The following ASH1L variants were observed in gnomAD, a reference collection of about 807,000 sequenced individuals.
ASH1L encodes ASH1 like histone lysine methyltransferase.
A neutral mutation model predicts 269.0 loss-of-function variants in ASH1L; 23 were observed. The observed-to-expected ratio is 0.09, with a 90% CI of 0.06 to 0.12. ASH1L has a LOEUF of 0.12. Among genes scored for constraint, ASH1L ranks in the 10% least tolerant of loss-of-function variants. ASH1L has a pLI of 1.00. For missense variants in ASH1L, 2,912 were observed against 3,567.8 expected, an observed-to-expected ratio of 0.82 and a Z score of 4.68; for synonymous variants, 1,187 against 1,253.5, an observed-to-expected ratio of 0.95 and a Z score of 1.12.
chr1:155,478,255 A>T lies in ASH1L; in HGVS notation c.4615T>A (p.Ser1539Thr). ...TTTGAAGGAGAGAGATGAGGGCAGGACATGTGACAACGGTGCTTTTCCTTA... is the reference window on the plus strand; with the variant it reads ...TTTGAAGGAGAGAGATGAGGGCAGGTCATGTGACAACGGTGCTTTTCCTTA... ...KHKEKHRCHM[S>T]CPHLSPSKSL... Residue 1539 changes from serine to threonine, a missense_variant, in exon 3 of 28, where the codon TCC becomes ACC. By Grantham distance (58) the Ser-to-Thr change is moderately conservative. This residue lies in a region of ASH1L where 789 missense variants were observed against 897.6 expected (regional missense o/e 0.88). Transcript: ENST00000392403. This position sits in a 1 kb window ranked among gnomAD's most constrained non-coding sequence, Gnocchi z 4.6. The T allele has an allele frequency of 6.2e-7, 1 of 1,614,196 alleles. No homozygotes were observed. The highest frequency in any genetic ancestry group is 1.3e-5 in the African/African-American group (1 of 75,044).
At chr1:155,361,581 C>T (rs1654952383) in intron 12 of ASH1L, among the ~76,000 whole-genome samples, 2 of 149,640 alleles carry the variant, frequency 1.3e-5, no homozygotes, top group Non-Finnish European at 3.0e-5. Flanking sequence ...TGCCTATACT[C>T]CCAGCTACTC....
chr1:155,465,379 GC>G (rs1179738659), intron 3 of ASH1L, among the ~76,000 whole-genome samples: 1 of 149,204 alleles, frequency 6.7e-6, no homozygotes, highest in Non-Finnish European at 1.5e-5. Flanking sequence ...CACTATTAAA[GC>G]TTTTATAACT....
At chr1:155,412,798 C>G (rs1218536434) in intron 6 of ASH1L, among the ~76,000 whole-genome samples, 2 of 151,940 alleles carry the variant, frequency 1.3e-5, no homozygotes, top group Non-Finnish European at 2.9e-5. Flanking sequence ...TCCAGGAAAA[C>G]AGTGACAGAA....
intron 5 of ASH1L, among the ~76,000 whole-genome samples, chr1:155,422,607 T>A (rs1319630604): frequency 6.6e-6 from 1 of 151,636 alleles, no homozygotes; most frequent in Non-Finnish European, 1.5e-5. Flanking sequence ...TGCCTCTTGG[T>A]TGGCAGAAGC....
intron 12 of ASH1L, among the ~76,000 whole-genome samples, chr1:155,365,119 C>G (rs1255329514): frequency 1.3e-5 from 2 of 152,042 alleles, no homozygotes; most frequent in Non-Finnish European, 2.9e-5. Context: ...ATCTTTCTGG[C>G]GATCACGAAG....
At chr1:155,394,775 G>T (rs1366021473) in intron 7 of ASH1L, among the ~76,000 whole-genome samples, 1 of 152,128 alleles carries the variant, frequency 6.6e-6, no homozygotes, top group Non-Finnish European at 1.5e-5. Flanking sequence ...CTTTCAAGCA[G>T]ATAAATACTC....
intron 10 of ASH1L, among the ~76,000 whole-genome samples, chr1:155,373,822 C>G (rs2148424852): frequency 6.6e-6 from 1 of 152,192 alleles, no homozygotes; most frequent in African/African-American, 2.4e-5. Flanking sequence ...CACACGCCAC[C>G]ATGCCCAGTT....
rs147251106 is a variant in ASH1L at position 155,513,783 on chromosome 1, C to T, written c.420+7317G>A. 3.2e-3 allele frequency among the ~76,000 whole-genome samples: 491 copies of T among 152,052 alleles called. 2 individuals carry two copies. The highest frequency in any genetic ancestry group is 0.012 in the African/African-American group (478 of 41,472). On this transcript the variant is annotated intron_variant, in intron 2 of 27. Transcript: ENST00000392403. ...GCTGGAAGCAATACCAGTGGCCATC[C>T]ATAGATGGACTAGATTAACTTATCT...
intron 19 of ASH1L, 98 bp downstream of exon 19, chr1:155,349,229 G>A (rs1653659653): frequency 7.2e-7 from 1 of 1,390,616 alleles, no homozygotes; most frequent in African/African-American, 1.4e-5. Context: ...TTTCCAACCA[G>A]AAATATGGCT....
intron 1 of ASH1L, among the ~76,000 whole-genome samples, chr1:155,526,071 G>A (rs1322229532): frequency 2.6e-5 from 4 of 151,824 alleles, no homozygotes; most frequent in Admixed American, 2.0e-4. Flanking sequence ...GAATCCACAG[G>A]TGCGGAATCA....
At chr1:155,469,595 G>A (rs1570908817) in intron 3 of ASH1L, among the ~76,000 whole-genome samples, 1 of 152,050 alleles carries the variant, frequency 6.6e-6, no homozygotes, top group East Asian at 1.9e-4. Context: ...TTATCTTCAG[G>A]TTTTACCTCT....
intron 12 of ASH1L, among the ~76,000 whole-genome samples, chr1:155,368,561 A>G (rs1655647400): frequency 6.6e-6 from 1 of 151,766 alleles, no homozygotes; most frequent in South Asian, 2.1e-4. Flanking sequence ...GGGTTCAAGC[A>G]ATTCTCTGCC....
At chr1:155,491,060 A>C (rs1666747922) in intron 2 of ASH1L, among the ~76,000 whole-genome samples, 1 of 148,566 alleles carries the variant, frequency 6.7e-6, no homozygotes, top group Non-Finnish European at 1.5e-5. Flanking sequence ...TATTATTCTA[A>C]ACGTCTTTTC....
chr1:155,478,891 A>C lies in ASH1L; in HGVS notation c.3979T>G (p.Phe1327Val). The change falls in exon 3 of 28, where the codon TTC becomes GTC. Residue 1327 changes from phenylalanine to valine, a missense_variant. Physicochemically the swap from Phe to Val is conservative, Grantham distance 50. Transcript: ENST00000392403. This position sits in a 1 kb window ranked among gnomAD's most constrained non-coding sequence, Gnocchi z 4.6. ...PTIFRINFNS[F>V]YTHPSFPLDP... Reference sequence around the variant, plus strand: ...AAGGGGAAAGAAGGATGTGTATAGAAACTATTAAAGTTGATTCGAAAGATA... The same window carrying C: ...AAGGGGAAAGAAGGATGTGTATAGACACTATTAAAGTTGATTCGAAAGATA... 1 of 1,614,014 alleles carries C rather than the reference A, an allele frequency of 6.2e-7. No individual in the cohort carries two copies. Among genetic ancestry groups the C allele is most frequent in the Non-Finnish European group, 8.5e-7 (1 of 1,180,004 alleles).
intron 10 of ASH1L, among the ~76,000 whole-genome samples, chr1:155,374,917 C>T (rs1032757727): frequency 3.9e-5 from 6 of 152,188 alleles, no homozygotes; most frequent in Admixed American, 2.0e-4. Context: ...CAGGCTCAAG[C>T]GATCCTCCCA....
At chr1:155,536,601 T>C (rs1299043620) in intron 1 of ASH1L, among the ~76,000 whole-genome samples, 4 of 152,136 alleles carry the variant, frequency 2.6e-5, no homozygotes, top group Non-Finnish European at 2.9e-5. Context: ...GTAGAACCCA[T>C]GCTTTTAATA....
intron 2 of ASH1L, among the ~76,000 whole-genome samples, chr1:155,489,568 A>G (rs1666601585): frequency 6.6e-6 from 1 of 151,870 alleles, no homozygotes; most frequent in East Asian, 1.9e-4. Context: ...CAGGAGATCA[A>G]GACCACAGTG....
intron 7 of ASH1L, among the ~76,000 whole-genome samples, chr1:155,392,697 C>T (rs61103093): frequency 0.01 from 1,564 of 152,198 alleles, 32 homozygotes; most frequent in African/African-American, 0.036. Context: ...CCATGTTGGC[C>T]AGGCTGGTCT....
At chr1:155,340,213 C>CT (rs1486662824) in intron 25 of ASH1L, among the ~76,000 whole-genome samples, 4 of 151,826 alleles carry the variant, frequency 2.6e-5, no homozygotes, top group Admixed American at 6.6e-5. Context: ...TTTTGAGAGT[C>CT]TTGTCCTGTT....
Sources: allele counts gnomAD v4.1 joint callset (sites outside exome capture counted in the v4.1 genomes callset), GRCh38; gene constraint gnomAD v4.1.1; regional missense constraint gnomAD v4.1.1; non-coding constraint Gnocchi (gnomAD v3.1); transcripts MANE v1.5; gene names NCBI Gene and HGNC (gene_info 2026-07-23, HGNC 2026-07-21).